Variants in PLBD1 observed in about 807,000 individuals in gnomAD.
PLBD1 encodes phospholipase B domain containing 1.
Under a neutral mutation model 63.0 loss-of-function variants are expected in PLBD1, and 60 were observed. The observed-to-expected ratio is 0.95, with a 90% CI of 0.77 to 1.18. The LOEUF is 1.18. Ranked by LOEUF, PLBD1 falls within the 50% of genes most tolerant of loss-of-function variation. The pLI is 0.00. For missense variants in PLBD1, 598 were observed against 677.9 expected (o/e 0.88, Z 1.31); for synonymous variants, 262 against 248.0 (o/e 1.06, Z -0.53).
intron 8 of PLBD1, among the ~76,000 whole-genome samples, chr12:14,507,968 A>G (rs1036638249): frequency 1.3e-5 from 2 of 152,082 alleles, no homozygotes; most frequent in Admixed American, 6.5e-5. Flanking sequence ...CCACCTCCAC[A>G]TTCTCTCCTG....
chr12:14,550,027 C>T (rs1346169708), intron 2 of PLBD1, among the ~76,000 whole-genome samples: 1 of 152,150 alleles, frequency 6.6e-6, no homozygotes, highest in Non-Finnish European at 1.5e-5. Context: ...TTTTTCAGTA[C>T]TCTGTTCCAT....
intron 6 of PLBD1, among the ~76,000 whole-genome samples, chr12:14,526,451 T>A (rs547561692): frequency 6.6e-6 from 1 of 152,324 alleles, no homozygotes; most frequent in Admixed American, 6.5e-5. Flanking sequence ...TCCTTTTAGG[T>A]TTTAGAAAAT....
intron 1 of PLBD1, among the ~76,000 whole-genome samples, chr12:14,556,989 C>G (rs1426363365): frequency 1.3e-5 from 1 of 76,302 alleles, no homozygotes; most frequent in African/African-American, 5.3e-5. Context: ...AATTCCCTCT[C>G]AAAAAAAAAA....
intron 6 of PLBD1, among the ~76,000 whole-genome samples, chr12:14,525,682 AACACAC>A (rs57722328): frequency 0.072 from 10,654 of 148,104 alleles, 447 homozygotes; most frequent in Middle Eastern, 0.12. Context: ...CTTACTTCTC[AACACAC>A]ACACACACAC....
intron 4 of PLBD1, 48 bp downstream of exon 4, chr12:14,540,716 A>G: frequency 6.7e-7 from 1 of 1,487,116 alleles, no homozygotes; most frequent in Non-Finnish European, 9.1e-7. Flanking sequence ...AACATTCAAT[A>G]TTCTTACCAT....
intron 2 of PLBD1, among the ~76,000 whole-genome samples, chr12:14,542,843 C>T (rs1013840666): frequency 4.0e-5 from 6 of 151,794 alleles, no homozygotes; most frequent in Admixed American, 1.3e-4. Flanking sequence ...GTCAGGAGAT[C>T]GAGACCATCC....
chr12:14,540,660 A>C (rs543657846), intron 4 of PLBD1, 104 bp downstream of exon 4: 2 of 1,192,248 alleles, frequency 1.7e-6, no homozygotes, highest in South Asian at 4.6e-5. Flanking sequence ...TTTATACTGT[A>C]GTTCTACTTT....
At chr12:14,505,071 TG>T (rs1489805949) in intron 10 of PLBD1, among the ~76,000 whole-genome samples, 2 of 151,640 alleles carry the variant, frequency 1.3e-5, no homozygotes, top group Non-Finnish European at 2.9e-5. Context: ...AAACATTCAT[TG>T]GGGTTTCATC....
chr12:14,558,766 C>G (rs751907029), intron 1 of PLBD1, among the ~76,000 whole-genome samples: 3 of 152,178 alleles, frequency 2.0e-5, no homozygotes, highest in Non-Finnish European at 4.4e-5. Context: ...GAGTACTAAA[C>G]CAAGAGCTAT....
intron 1 of PLBD1, chr12:14,553,807 T>C: frequency 4.3e-6 from 1 of 230,170 alleles, no homozygotes; most frequent in South Asian, 6.0e-5. Flanking sequence ...GATCCTCCTC[T>C]ATCAGGGATG....
chr12:14,521,953 A>T (rs953215546), intron 6 of PLBD1, among the ~76,000 whole-genome samples: 2 of 151,234 alleles, frequency 1.3e-5, no homozygotes, highest in African/African-American at 2.4e-5. Flanking sequence ...AGATATCATT[A>T]AAAAAAAACT....
At chr12:14,519,168 T>A (rs1404897853) in intron 6 of PLBD1, among the ~76,000 whole-genome samples, 1 of 152,212 alleles carries the variant, frequency 6.6e-6, no homozygotes, top group Non-Finnish European at 1.5e-5. Context: ...ACCCGTGATA[T>A]GGACTGAATT....
chr12:14,524,609 A>G (rs893480238), intron 6 of PLBD1, among the ~76,000 whole-genome samples: 1 of 152,234 alleles, frequency 6.6e-6, no homozygotes, highest in Non-Finnish European at 1.5e-5. Flanking sequence ...CGTTCTTGCC[A>G]TAAGGAACTG....
intron 6 of PLBD1, among the ~76,000 whole-genome samples, chr12:14,512,147 G>A (rs2136906090): frequency 8.0e-6 from 1 of 124,386 alleles, no homozygotes; most frequent in East Asian, 2.2e-4. Context: ...TTTTGTATAA[G>A]TCTACTTTTT....
intron 5 of PLBD1, 139 bp downstream of exon 5, chr12:14,536,431 T>A (rs1592002664): frequency 1.1e-6 from 1 of 896,196 alleles, no homozygotes; most frequent in East Asian, 2.6e-5. Flanking sequence ...TACTTCCAGT[T>A]CTTAACTTCT....
chr12:14,530,338 A>G (rs1167554551), intron 6 of PLBD1: 1 of 152,226 alleles, frequency 6.6e-6, no homozygotes, highest in Admixed American at 6.5e-5. Flanking sequence ...CCCCAGTCAC[A>G]GTAGAGACAA....
intron 8 of PLBD1, 52 bp downstream of exon 8, chr12:14,511,208 T>C (rs1278401376): frequency 3.6e-6 from 5 of 1,407,296 alleles, no homozygotes; most frequent in Admixed American, 4.5e-5. Context: ...CTACCATATA[T>C]GAACACACAC....
intron 2 of PLBD1, among the ~76,000 whole-genome samples, chr12:14,544,070 T>C (rs1396964460): frequency 8.2e-6 from 1 of 121,710 alleles, no homozygotes; most frequent in African/African-American, 2.8e-5. Flanking sequence ...TTGTAGTTAA[T>C]GTCTTTCCTT....
At chr12:14,513,933 C>A (rs1208833560) in intron 6 of PLBD1, among the ~76,000 whole-genome samples, 1 of 152,128 alleles carries the variant, frequency 6.6e-6, no homozygotes, top group Non-Finnish European at 1.5e-5. Flanking sequence ...GCGCCCGCCA[C>A]CACGCCCTGC....
Sources: gnomAD v4.1 joint callset for allele counts (sites outside exome capture counted in the v4.1 genomes callset) on GRCh38, gnomAD v4.1.1 for gene constraint, MANE v1.5 for transcripts, NCBI Gene and HGNC (gene_info 2026-07-23, HGNC 2026-07-21) for gene names.